The following ANO8 variants were observed in gnomAD, a reference collection of about 807,000 sequenced individuals.
ANO8 encodes anoctamin 8.
ANO8 carries 67 observed loss-of-function variants against 120.4 expected under a neutral mutation model. The ratio of observed to expected loss-of-function variants is 0.56; its 90% CI spans 0.46 to 0.68. The LOEUF (loss-of-function observed/expected upper bound fraction) is 0.68, where lower values mean the gene tolerates loss of function less well. Among genes scored for constraint, ANO8 ranks in the 30% least tolerant of loss-of-function variants. ANO8 has a pLI of 0.00. For synonymous variants in ANO8, 727 were observed against 759.2 expected (o/e 0.96, Z 0.70); for missense variants, 1,526 against 1,737.6 (o/e 0.88, Z 2.16).
rs2074250781 is a variant in ANO8, at chr19:17,323,430, G to A, written c.*87C>T. On this transcript the variant is annotated 3_prime_UTR_variant, in exon 18 of 18. Transcript: ENST00000159087. ...CGACCAATACTGGGGGCCCTCGGGGGCTGAAGCGCATTTTGCATTTTGGAG... is the reference window on the plus strand; with the variant it reads ...CGACCAATACTGGGGGCCCTCGGGGACTGAAGCGCATTTTGCATTTTGGAG... The A allele has an allele frequency of 1.0e-5, 13 of 1,264,926 alleles. No homozygotes were observed. The highest frequency in any genetic ancestry group is 1.2e-5 in the Non-Finnish European group (12 of 998,432). 78.4% of individuals were successfully genotyped at this position (1,264,926 alleles called of 1,614,324 possible).
Position 17,325,684 on chromosome 19 carries a change from T to G in ANO8, c.2662-298A>C, listed in dbSNP as rs768962032. Reference sequence around the variant, plus strand: ...GGCTTGCGCCTGTAATCCCAGCACTTTGGGAGGCTGAGATGGGAGGATCAC... The same window carrying G: ...GGCTTGCGCCTGTAATCCCAGCACTGTGGGAGGCTGAGATGGGAGGATCAC... On this transcript the variant is annotated intron_variant, in intron 16 of 17. Coordinates refer to ENST00000159087, the MANE Select transcript of ANO8 (RefSeq NM_020959.3). Among the ~76,000 whole-genome samples, 21 of 152,170 alleles carry G rather than the reference T, an allele frequency of 1.4e-4. 1 individual carries two copies. The highest frequency in any genetic ancestry group is 2.8e-4 in the Non-Finnish European group (19 of 68,034).
chr19:17,331,491 A>G (rs1370208943), intron 5 of ANO8, 80 bp from the exon 6 acceptor site: 7 of 1,316,186 alleles, frequency 5.3e-6, no homozygotes, highest in Non-Finnish European at 7.6e-6. Flanking sequence ...CTGAAACCCA[A>G]GTCACAGCTT....
rs200103975 is a variant in ANO8, at chr19:17,327,884, C to T, written c.2227-4G>A. The T allele has an allele frequency of 4.3e-6, 7 of 1,611,616 alleles. No individual in the cohort carries two copies. Among genetic ancestry groups the T allele is most frequent in the Non-Finnish European group, 5.9e-6 (7 of 1,178,470 alleles). On this transcript the variant is annotated splice_polypyrimidine_tract_variant and splice_region_variant and intron_variant, in intron 13 of 17. Coordinates refer to ENST00000159087, the MANE Select transcript of ANO8 (RefSeq NM_020959.3). The stretch of plus-strand genomic sequence containing the variant: ...CCTGGTAGTCCTGGAACGTGTCCTG[C>T]GAGTGGGCGGGCCTCAGACCTGGAA...
intron 16 of ANO8, among the ~76,000 whole-genome samples, chr19:17,326,081 AAAAC>A (rs1408630604): frequency 6.6e-6 from 1 of 152,234 alleles, no homozygotes; most frequent in African/African-American, 2.4e-5. Flanking sequence ...AATTGAAAAG[AAAAC>A]AAACATTCAC....
In ANO8 at chr19:17,334,790, C is replaced by T; in HGVS notation, c.-120G>A. On this transcript the variant is annotated 5_prime_UTR_variant, in exon 1 of 18. Transcript: ENST00000159087. ...AGGAGACAAAGGCCGCGCCCGCCCG[C>T]GCCGGCCTCGGTCCTCGCTCGCCCG... 2 of 1,161,776 alleles carry T rather than the reference C, an allele frequency of 1.7e-6. No individual in the cohort carries two copies. The highest frequency in any genetic ancestry group is 1.1e-6 in the Non-Finnish European group (1 of 875,974). 72.0% of individuals were successfully genotyped at this position (1,161,776 alleles called of 1,614,324 possible). A position where few individuals can be genotyped will look rare whatever the true frequency, so the allele number is the denominator to read the frequency against.
Position 17,333,295 on chromosome 19 carries a change from G to C in ANO8, c.351-56C>G, listed in dbSNP as rs1167922404. 2 of 1,601,898 alleles carry C rather than the reference G, an allele frequency of 1.2e-6. No homozygotes were observed. Among genetic ancestry groups the C allele is most frequent in the African/African-American group, 2.7e-5 (2 of 74,726 alleles). Reference sequence around the variant, plus strand: ...AGGGAGGCCCCGGCCCACCATCCTGGAGCTGAGGATGGTGCACCTGGCAGC... The same window carrying C: ...AGGGAGGCCCCGGCCCACCATCCTGCAGCTGAGGATGGTGCACCTGGCAGC... On this transcript the variant is annotated intron_variant, in intron 3 of 17. Transcript: ENST00000159087. This position sits in a 1 kb window ranked among gnomAD's most constrained non-coding sequence, Gnocchi z 7.2.
chr19:17,330,896 G>A lies in ANO8; in HGVS notation c.925C>T (p.Leu309=), dbSNP rs2074312955. The stretch of plus-strand genomic sequence containing the variant: ...TCCAGCGTCCCCCACTTATATGCCA[G>A]CTCAGCCCCTCTCCGCTTCCATTCC... ...LEEWKRRGAE[L]AYKWGTLDSP... The change falls in exon 8 of 18, where the codon CTG becomes TTG. Residue 309 remains leucine (L), a synonymous_variant. Transcript: ENST00000159087. 2 of 1,614,172 alleles carry A rather than the reference G, an allele frequency of 1.2e-6. No individual in the cohort carries two copies. Among genetic ancestry groups the A allele is most frequent in the South Asian group, 1.1e-5 (1 of 91,084 alleles).
In ANO8 at chr19:17,323,605, G is replaced by T; in HGVS notation, c.3611C>A (p.Pro1204His). The T allele has an allele frequency of 7.9e-7, 1 of 1,263,352 alleles. No individual in the cohort carries two copies. Among genetic ancestry groups the T allele is most frequent in the Non-Finnish European group, 1.0e-6 (1 of 997,930 alleles). The allele number at this position is 1,263,352 out of a possible 1,614,324, so 78.3% of individuals were successfully genotyped here. The change falls in exon 18 of 18, where the codon CCC becomes CAC. Residue 1204 changes from proline (P) to histidine (H), a missense_variant. Physicochemically the swap from Pro to His is moderately conservative, Grantham distance 77. Coordinates refer to ENST00000159087, the MANE Select transcript of ANO8 (RefSeq NM_020959.3). ...FYSLPPPPLPPTSDPLETPAP... is the reference protein window; with the variant it reads ...FYSLPPPPLPHTSDPLETPAP... Reference sequence around the variant, plus strand: ...TGGGGTCTCGAGGGGATCCGAGGTGGGCGGTAGCGGTGGGGGCGGGAGGCT... The same window carrying T: ...TGGGGTCTCGAGGGGATCCGAGGTGTGCGGTAGCGGTGGGGGCGGGAGGCT...
At chr19:17,326,373 A>G (rs2074273726) in intron 16 of ANO8, among the ~76,000 whole-genome samples, 1 of 152,158 alleles carries the variant, frequency 6.6e-6, no homozygotes, top group Admixed American at 6.5e-5. Flanking sequence ...GTGGTGGGAC[A>G]TGCCTGTAAT....
chr19:17,323,804 G>A lies in ANO8; in HGVS notation c.3412C>T (p.Leu1138=), dbSNP rs2074254779. ...GCGGGCGGTGTCGGGGGCCGGGGCAGCGGCATTGGCGGCGGCGGCGCGGGG... is the reference window on the plus strand; with the variant it reads ...GCGGGCGGTGTCGGGGGCCGGGGCAACGGCATTGGCGGCGGCGGCGCGGGG... ...RSPAPPPPMP[L]PRPPTPPAGC... is the part of the protein sequence containing the mutation. Residue 1138 remains leucine, a synonymous_variant, in exon 18 of 18, where the codon CTG becomes TTG. Transcript: ENST00000159087. The A allele has an allele frequency of 3.5e-6, 4 of 1,146,990 alleles. No individual in the cohort carries two copies. The highest frequency in any genetic ancestry group is 4.3e-6 in the Non-Finnish European group (4 of 933,270). The allele number at this position is 1,146,990 out of a possible 1,614,324, so 71.1% of individuals were successfully genotyped here. A position where few individuals can be genotyped will look rare whatever the true frequency, so the allele number is the denominator to read the frequency against.
chr19:17,331,656 T>G (rs1009489058), intron 5 of ANO8, among the ~76,000 whole-genome samples: 3 of 151,684 alleles, frequency 2.0e-5, no homozygotes, highest in African/African-American at 4.8e-5. Flanking sequence ...ACCATGTTTT[T>G]TTTTTTTTTT....
chr19:17,329,151 C>T (rs2074298447), intron 12 of ANO8, 168 bp from the exon 13 acceptor site: 4 of 533,844 alleles, frequency 7.5e-6, no homozygotes, highest in East Asian at 7.1e-5. Context: ...AGGCCCCCAG[C>T]GCTCAGCCAC....
rs963477199 is a variant in ANO8 at position 17,324,939 on chromosome 19, G to A, written c.3109C>T (p.Arg1037Trp). 17 of 1,613,112 alleles carry A rather than the reference G, an allele frequency of 1.1e-5. No homozygotes were observed. The highest frequency in any genetic ancestry group is 8.0e-5 in the African/African-American group (6 of 74,942). ...GGTGAGTGGCTGCGCTCAGAGTCCC[G>A]CCGGGTCTCGGGTGACTTGAGGAAC... ...FKFLKSPETRRDSERSHSPPK... is the reference protein window; with the variant it reads ...FKFLKSPETRWDSERSHSPPK... The change falls in exon 17 of 18, where the codon CGG becomes TGG. Residue 1037 changes from arginine to tryptophan, a missense_variant. Around this residue, in one of 8 missense-constraint regions of ANO8, gnomAD observed 489 missense variants for 548.6 expected, o/e 0.89. Coordinates refer to ENST00000159087, the MANE Select transcript of ANO8 (RefSeq NM_020959.3).
In ANO8 at chr19:17,324,916, T is replaced by C; in HGVS notation, c.3132A>G (p.Ser1044=). 1.9e-6 allele frequency: 3 copies of C among 1,613,230 alleles called. No homozygotes were observed. Among genetic ancestry groups the C allele is most frequent in the Non-Finnish European group, 2.5e-6 (3 of 1,179,852 alleles). Residue 1044 remains serine (S), a synonymous_variant, in exon 17 of 18, where the codon TCA becomes TCG. Coordinates refer to ENST00000159087, the MANE Select transcript of ANO8 (RefSeq NM_020959.3). ...TGCCAGCATGGAAGGCTTTGGGCGGTGAGTGGCTGCGCTCAGAGTCCCGCC... is the reference window on the plus strand; with the variant it reads ...TGCCAGCATGGAAGGCTTTGGGCGGCGAGTGGCTGCGCTCAGAGTCCCGCC... ...ETRRDSERSH[S]PPKAFHAGKL... is the part of the protein sequence containing the mutation.
In ANO8 at chr19:17,330,142, A is replaced by G. The variant is rs1408933454; in HGVS notation, c.1256T>C (p.Ile419Thr). Reference sequence around the variant, plus strand: ...GGTCGTACCCATGTCATTGAGCCAGATGGCTAGCTTCTTGTAGCCCTCGGC... The same window carrying G: ...GGTCGTACCCATGTCATTGAGCCAGGTGGCTAGCTTCTTGTAGCCCTCGGC... ...VSAEGYKKLA[I>T]WLNDMENYRL... The change falls in exon 10 of 18, where the codon ATC becomes ACC. Residue 419 changes from isoleucine to threonine, a missense_variant. Ile to Thr is a moderately conservative substitution (Grantham distance 89). This residue lies in a region of ANO8 where 91 missense variants were observed against 85.3 expected (regional missense o/e 1.07). Transcript: ENST00000159087. 6.2e-7 allele frequency: 1 copy of G among 1,614,054 alleles called. No homozygotes were observed. The highest frequency in any genetic ancestry group is 8.5e-7 in the Non-Finnish European group (1 of 1,180,004).
Position 17,333,152 on chromosome 19 carries a change from C to T in ANO8, c.438G>A (p.Glu146=), listed in dbSNP as rs753677562. Residue 146 remains glutamate, a synonymous_variant, in exon 4 of 18, where the codon GAG becomes GAA. Transcript: ENST00000159087. The surrounding 1 kb of genome is among the most constrained non-coding windows in gnomAD (Gnocchi z 7.2). The part of the protein sequence containing the change: ...GGGTRGFSCE[E]DFIYENVESE... ...TCTCCACATTCTCATAGATAAAGTC[C>T]TCCTCGCAGGAGAAGCCGCGGGTGC... The T allele has an allele frequency of 1.2e-5, 19 of 1,613,172 alleles. 1 individual carries two copies. In the South Asian group the frequency reaches 2.1e-4, roughly 18 times the overall value.
In ANO8 at chr19:17,328,590, C is replaced by A; in HGVS notation, c.1798G>T (p.Glu600Ter). Residue 600 changes from glutamate to a stop codon, truncating the protein, a stop_gained, in exon 13 of 18, where the codon GAG becomes TAG. Transcript: ENST00000159087. LOFTEE classifies it high-confidence loss of function. ...EEDEEEEEDE[E>*]EGEEGGLLDC... ...AGGAGGCCCCCTTCCTCGCCCTCCT[C>A]CTCGTCCTCCTCTTCCTCCTCGTCC... 1 of 1,545,698 alleles carries A rather than the reference C, an allele frequency of 6.5e-7. No homozygotes were observed.
Position 17,333,867 on chromosome 19 carries a change from C to T in ANO8, c.107-67G>A, listed in dbSNP as rs1013014726. The T allele has an allele frequency of 1.2e-5, 16 of 1,354,518 alleles. No homozygotes were observed. Among genetic ancestry groups the T allele is most frequent in the African/African-American group, 4.4e-5 (3 of 68,960 alleles). The allele number at this position is 1,354,518 out of a possible 1,614,324, so 83.9% of individuals were successfully genotyped here. Reference sequence around the variant, plus strand: ...ATCCGGACCCGGCCTCCAGTCTTGGCTCCTCCTGCCCCCGCCAGGGCTCCT... The same window carrying T: ...ATCCGGACCCGGCCTCCAGTCTTGGTTCCTCCTGCCCCCGCCAGGGCTCCT... On this transcript the variant is annotated intron_variant, in intron 1 of 17. Coordinates refer to ENST00000159087, the MANE Select transcript of ANO8 (RefSeq NM_020959.3). The surrounding 1 kb of genome is among the most constrained non-coding windows in gnomAD (Gnocchi z 7.2).
chr19:17,328,139 G>GCGAGGCCCCGCCCCCTT, intron 13 of ANO8, 23 bp downstream of exon 13: 3 of 1,510,252 alleles, frequency 2.0e-6, no homozygotes, highest in Non-Finnish European at 2.7e-6. Context: ...CCCGCCCCCT[G>GCGAGGCCCCGCCCCCTT]CGAGGCCCCG....
Sources: allele counts gnomAD v4.1 joint callset (sites outside exome capture counted in the v4.1 genomes callset), GRCh38; gene constraint gnomAD v4.1.1; regional missense constraint gnomAD v4.1.1; non-coding constraint Gnocchi (gnomAD v3.1); transcripts MANE v1.5; gene names NCBI Gene and HGNC (gene_info 2026-07-23, HGNC 2026-07-21).